Variants in AIM2 observed in about 807,000 individuals in gnomAD.
AIM2 encodes the protein absent in melanoma 2, also known as interferon-inducible protein AIM2.
Under a neutral mutation model 27.7 loss-of-function variants are expected in AIM2, and 30 were observed. The ratio of observed to expected loss-of-function variants is 1.08; its 90% CI spans 0.81 to 1.47. The LOEUF (loss-of-function observed/expected upper bound fraction) is 1.47. Among genes scored for constraint, AIM2 ranks in the 40% most tolerant of loss-of-function variants. AIM2 has a pLI of 0.00. For synonymous variants in AIM2, 141 were observed against 145.3 expected (o/e 0.97, Z 0.21); for missense variants, 358 against 411.3 (o/e 0.87, Z 1.12).
At chr1:159,125,091 C>T (rs1057380922) in intron 1 of AIM2, among the ~76,000 whole-genome samples, 3 of 152,150 alleles carry the variant, frequency 2.0e-5, no homozygotes, top group African/African-American at 7.2e-5. Flanking sequence ...TGCTGCCAAG[C>T]CTGACTGCTT....
intron 1 of AIM2, among the ~76,000 whole-genome samples, chr1:159,119,980 C>T (rs192357666): frequency 4.2e-4 from 64 of 152,048 alleles, no homozygotes; most frequent in African/African-American, 1.5e-3. Context: ...TTATATAGAT[C>T]ATGTGTAGCA....
At chr1:159,116,114 A>C (rs1186479361) in intron 1 of AIM2, among the ~76,000 whole-genome samples, 1 of 151,756 alleles carries the variant, frequency 6.6e-6, no homozygotes, top group East Asian at 1.9e-4. Context: ...AGAGAAATGC[A>C]AATCAAAACC....
At chr1:159,142,923 A>T (rs1046677483), upstream of AIM2, among the ~76,000 whole-genome samples, 5 of 151,714 alleles carry the variant, frequency 3.3e-5, no homozygotes, top group African/African-American at 1.2e-4. Flanking sequence ...TCACCACCCC[A>T]CTCCTCATCA....
At chr1:159,070,401 T>G (rs977714519) in intron 2 of AIM2, among the ~76,000 whole-genome samples, 1 of 152,198 alleles carries the variant, frequency 6.6e-6, no homozygotes. Context: ...CAAAATGCAG[T>G]CGTATACTCT....
downstream of AIM2, chr1:159,062,475 G>A (rs1655868378): frequency 8.6e-6 from 5 of 579,120 alleles, no homozygotes; most frequent in South Asian, 1.1e-4. Context: ...GGAGATAGTG[G>A]GACTGTAATG....
At chr1:159,129,800 G>C (rs2102048631) in intron 1 of AIM2, among the ~76,000 whole-genome samples, 1 of 152,240 alleles carries the variant, frequency 6.6e-6, no homozygotes, top group Non-Finnish European at 1.5e-5. Context: ...TTGTCTTTAT[G>C]AGATAACTTC....
chr1:159,059,594 A>G (rs1230442130), downstream of AIM2, among the ~76,000 whole-genome samples: 7 of 152,176 alleles, frequency 4.6e-5, no homozygotes. Context: ...CAGCTAGTCT[A>G]ATATTTCATA....
the AIM2 span, among the ~76,000 whole-genome samples, chr1:159,055,515 G>GA: frequency 6.6e-6 from 1 of 152,204 alleles, no homozygotes. Flanking sequence ...GAAGGCACTT[G>GA]TCTGTGTTAG....
intron 1 of AIM2, among the ~76,000 whole-genome samples, chr1:159,114,777 C>A (rs1322581646): frequency 6.6e-6 from 1 of 152,136 alleles, no homozygotes; most frequent in African/African-American, 2.4e-5. Flanking sequence ...TGGCACAAGA[C>A]AGGGATGCCC....
At chr1:159,081,973 T>A (rs1280654803) in intron 1 of AIM2, among the ~76,000 whole-genome samples, 1 of 152,240 alleles carries the variant, frequency 6.6e-6, no homozygotes, top group Admixed American at 6.5e-5. Context: ...TGCAGTTAAT[T>A]TACTCTTATT....
intron 1 of AIM2, among the ~76,000 whole-genome samples, chr1:159,135,870 T>C (rs1648002211): frequency 6.6e-6 from 1 of 152,184 alleles, no homozygotes; most frequent in Non-Finnish European, 1.5e-5. Flanking sequence ...CCTCGTCTCC[T>C]GTCTCTTCCC....
rs1252835949 is a variant in AIM2, at chr1:159,062,636, T to A, written c.*56A>T. On this transcript the variant is annotated 3_prime_UTR_variant, in exon 6 of 6. Transcript: ENST00000368130. Reference sequence around the variant, plus strand: ...CTGATTGAAGAGGCTGTATCACATATTCTTCAATTAAATGCTGCTTAGACC... The same window carrying A: ...CTGATTGAAGAGGCTGTATCACATAATCTTCAATTAAATGCTGCTTAGACC... 2 of 1,536,588 alleles carry A rather than the reference T, an allele frequency of 1.3e-6. No homozygotes were observed. Among genetic ancestry groups the A allele is most frequent in the African/African-American group, 2.7e-5 (2 of 72,990 alleles).
intron 1 of AIM2, among the ~76,000 whole-genome samples, chr1:159,091,190 A>C (rs924356073): frequency 1.3e-5 from 2 of 152,258 alleles, no homozygotes; most frequent in African/African-American, 2.4e-5. Flanking sequence ...ATAAAGTAAC[A>C]AATAATACAG....
intron 1 of AIM2, among the ~76,000 whole-genome samples, chr1:159,073,762 G>A (rs780200597): frequency 5.3e-5 from 8 of 152,158 alleles, no homozygotes; most frequent in East Asian, 3.9e-4. Flanking sequence ...TTAGCTGGGC[G>A]CGGTAGCTCA....
intron 1 of AIM2, among the ~76,000 whole-genome samples, chr1:159,102,245 C>G (rs1657329912): frequency 6.6e-6 from 1 of 152,204 alleles, no homozygotes; most frequent in South Asian, 2.1e-4. Context: ...TGATTTTGGG[C>G]CTGCAGGTAC....
intron 4 of AIM2, among the ~76,000 whole-genome samples, chr1:159,064,437 G>A (rs1655987444): frequency 6.6e-6 from 1 of 152,182 alleles, no homozygotes; most frequent in African/African-American, 2.4e-5. Context: ...GAAAAAAGAA[G>A]ACCCTGGGTT....
At chr1:159,074,800 A>C (rs12759515) in intron 1 of AIM2, among the ~76,000 whole-genome samples, 3,228 of 152,252 alleles carry the variant, frequency 0.021, 70 homozygotes, top group South Asian at 0.04. Context: ...AAACTTATAA[A>C]ACTTTATTGG....
downstream of AIM2, among the ~76,000 whole-genome samples, chr1:159,061,095 A>C (rs1266239952): frequency 6.6e-6 from 1 of 152,226 alleles, no homozygotes; most frequent in Admixed American, 6.5e-5. Context: ...ACTCTTTTGC[A>C]TAAAGGTTAT....
At position 159,073,538 on chromosome 1, in the gene AIM2, A is replaced by G. The variant is rs747194370; in HGVS notation, c.-20-19T>C. 7 of 1,585,788 alleles carry G rather than the reference A, an allele frequency of 4.4e-6. No homozygotes were observed. The highest frequency in any genetic ancestry group is 6.0e-6 in the Non-Finnish European group (7 of 1,161,546). On this transcript the variant is annotated intron_variant, in intron 1 of 5. Transcript: ENST00000368130. ...GATCAGCCTATAAGGAATCCAAAAC[A>G]TGTAAGATTACACCACCAAAAGTGA...
Sources: allele counts gnomAD v4.1 joint callset (sites outside exome capture counted in the v4.1 genomes callset), GRCh38; gene constraint gnomAD v4.1.1; transcripts MANE v1.5; gene names NCBI Gene and HGNC (gene_info 2026-07-23, HGNC 2026-07-21).